ZNF280D: variants seen among roughly 807,000 people sequenced by gnomAD.
The protein encoded by ZNF280D is zinc finger protein 280D.
A neutral mutation model predicts 94.7 loss-of-function variants in ZNF280D; 39 were observed. The ratio of observed to expected loss-of-function variants is 0.41; its 90% confidence interval spans 0.32 to 0.54. The LOEUF is 0.54. ZNF280D is among the 20% of genes least tolerant of loss of function. ZNF280D has a pLI of 0.22. For synonymous variants in ZNF280D, 398 were observed against 377.6 expected (o/e 1.05, Z -0.63); for missense variants, 1,090 against 1,149.3 (o/e 0.95, Z 0.75).
At chr15:56,698,948 T>G (rs555910185) in intron 6 of ZNF280D, 28 of 152,290 alleles carry the variant, frequency 1.8e-4, no homozygotes, top group African/African-American at 6.7e-4. Flanking sequence ...ACATCTTGAA[T>G]GCAGCCTTGT....
intron 1 of ZNF280D, among the ~76,000 whole-genome samples, chr15:56,712,442 T>C (rs1313580247): frequency 2.6e-5 from 4 of 151,412 alleles, no homozygotes; most frequent in South Asian, 2.1e-4. Context: ...GCCTGGGCAA[T>C]ATGGCAAAAC....
chr15:56,699,670 AC>A, intron 6 of ZNF280D: 8 of 792,792 alleles, frequency 1.0e-5, no homozygotes, highest in Non-Finnish European at 1.1e-5. Flanking sequence ...TCATGTAACA[AC>A]AAAAAAAAAT....
At chr15:56,697,277 C>G (rs2141147914) in intron 6 of ZNF280D, among the ~76,000 whole-genome samples, 1 of 152,236 alleles carries the variant, frequency 6.6e-6, no homozygotes, top group Admixed American at 6.5e-5. Context: ...CTCCGCCTCC[C>G]AGGTTCAAGT....
Position 56,682,439 on chromosome 15 carries a change from C to G in ZNF280D, c.819G>C (p.Leu273=), listed in dbSNP as rs774059102. ...CPDMINNFLG[L]AKTEFSSTVN... is the part of the protein sequence containing the mutation. ...CTGTACTTGAAAATTCTGTTTTAGC[C>G]AGTCCCAAAAAGTTATTTATCATGT... is the stretch of plus-strand genomic sequence containing the variant. The change falls in exon 10 of 22, where the codon CTG becomes CTC. Residue 273 remains leucine (L), a synonymous_variant. Transcript: ENST00000267807. The G allele has an allele frequency of 7.7e-6, 12 of 1,552,378 alleles. No individual in the cohort carries two copies. Among genetic ancestry groups the G allele is most frequent in the Non-Finnish European group, 1.0e-5 (12 of 1,158,786 alleles).
At position 56,667,619 on chromosome 15, in the gene ZNF280D, A is replaced by G. The variant is rs564058500; in HGVS notation, c.1546-633T>C. 6.2e-4 allele frequency among the ~76,000 whole-genome samples: 95 copies of G among 152,310 alleles called. No individual in the cohort carries two copies. The South Asian group carries it at 8.9e-3, about 14-fold the overall frequency. ...CATCTGTTGGTTGACAATGAAAAAC[A>G]CAAGTGCCTACCAACATTCTGGTTA... is the stretch of plus-strand genomic sequence containing the variant. On this transcript the variant is annotated intron_variant, in intron 14 of 21. Coordinates refer to ENST00000267807, the MANE Select transcript of ZNF280D (RefSeq NM_017661.4).
chr15:56,700,822 CTACTGGATGACTACT>C, intron 6 of ZNF280D, 96 bp downstream of exon 6: 1 of 1,588,112 alleles, frequency 6.3e-7, no homozygotes. Flanking sequence ...AACTATGCTT[CTACTGGATGACTACT>C]TATGACAGTC....
rs370841893 is a variant in ZNF280D at position 56,639,846 on chromosome 15, G to A, written c.2259+3106C>T. On this transcript the variant is annotated intron_variant, in intron 20 of 21. Transcript: ENST00000267807. ...CAGCAAACAGGACATCCAATACAAG[G>A]GAGTGGCAAAGGATAATCTTGACAT... is the stretch of plus-strand genomic sequence containing the variant. Among the ~76,000 whole-genome samples, 48 of 152,156 alleles carry A rather than the reference G, an allele frequency of 3.2e-4. No homozygotes were observed. The South Asian group carries it at 8.1e-3, about 26-fold the overall frequency.
intron 20 of ZNF280D, among the ~76,000 whole-genome samples, chr15:56,636,494 T>TC (rs1447572514): frequency 2.0e-5 from 3 of 150,618 alleles, no homozygotes; most frequent in Admixed American, 6.6e-5. Context: ...TATTTTTTTT[T>TC]TTTTTTTTTG....
rs2055424514 is a variant in ZNF280D, at chr15:56,678,841, G to A, written c.1005-20C>T. The A allele has an allele frequency of 2.0e-6, 3 of 1,477,762 alleles. No homozygotes were observed. Among genetic ancestry groups the A allele is most frequent in the South Asian group, 1.5e-5 (1 of 68,614 alleles). 91.5% of individuals were successfully genotyped at this position (1,477,762 alleles called of 1,614,324 possible). The stretch of plus-strand genomic sequence containing the variant: ...ATAAACCTATAAATGGTTGTCAACA[G>A]GTGCAAAACTTGAGATTTAAAAACA... On this transcript the variant is annotated intron_variant, in intron 10 of 21. Coordinates refer to ENST00000267807, the MANE Select transcript of ZNF280D (RefSeq NM_017661.4).
At chr15:56,712,740 C>CTTTT (rs370458226) in intron 1 of ZNF280D, among the ~76,000 whole-genome samples, 6 of 133,514 alleles carry the variant, frequency 4.5e-5, no homozygotes, top group African/African-American at 5.6e-5. Context: ...TGGTGAATGG[C>CTTTT]TTTTTTTTTT....
At chr15:56,716,389 C>G (rs573735322) in intron 1 of ZNF280D, among the ~76,000 whole-genome samples, 66 of 151,142 alleles carry the variant, frequency 4.4e-4, no homozygotes, top group Non-Finnish European at 8.1e-4. Flanking sequence ...TTGGAGTTAA[C>G]TAGGCAAACA....
intron 1 of ZNF280D, among the ~76,000 whole-genome samples, chr15:56,720,704 G>A (rs2058310010): frequency 1.3e-5 from 2 of 152,140 alleles, no homozygotes; most frequent in South Asian, 4.1e-4. Context: ...CAGAATGGAT[G>A]TTGTGTTAGC....
At chr15:56,700,298 A>G in intron 6 of ZNF280D, 1 of 533,464 alleles carries the variant, frequency 1.9e-6, no homozygotes, top group Non-Finnish European at 2.4e-6. Context: ...TAAATCTTTC[A>G]ACCTCTATGA....
At chr15:56,705,869 G>C (rs1374452314) in intron 3 of ZNF280D, among the ~76,000 whole-genome samples, 1 of 151,692 alleles carries the variant, frequency 6.6e-6, no homozygotes, top group Admixed American at 6.6e-5. Flanking sequence ...ATAATCTATG[G>C]ACTAGGCGAA....
chr15:56,731,541 A>C (rs2141540412), intron 1 of ZNF280D, among the ~76,000 whole-genome samples: 1 of 150,728 alleles, frequency 6.6e-6, no homozygotes, highest in East Asian at 1.9e-4. Flanking sequence ...CTGAAAAGGA[A>C]TTTTGAAGAA....
intron 16 of ZNF280D, among the ~76,000 whole-genome samples, chr15:56,661,096 G>A (rs2053914667): frequency 6.6e-6 from 1 of 152,126 alleles, no homozygotes; most frequent in African/African-American, 2.4e-5. Flanking sequence ...GACACATACA[G>A]AGTTTGTGGT....
At chr15:56,729,099 G>A (rs553184467) in intron 1 of ZNF280D, among the ~76,000 whole-genome samples, 2 of 152,128 alleles carry the variant, frequency 1.3e-5, no homozygotes, top group South Asian at 4.2e-4. Context: ...TTCAAAAGGT[G>A]AAAAACATGA....
intron 1 of ZNF280D, among the ~76,000 whole-genome samples, chr15:56,729,317 T>C (rs1251552388): frequency 2.6e-5 from 4 of 152,202 alleles, no homozygotes; most frequent in African/African-American, 9.6e-5. Flanking sequence ...CATCAAACTC[T>C]CCTTAGTTGG....
chr15:56,699,563 G>C lies in ZNF280D; in HGVS notation c.381+1370C>G, dbSNP rs1341128681. ...CTCTTTTTTCCCTTCCTGAGATTTTGATATGTACTTGGAGAGTTTTGAGTC... is the reference window on the plus strand; with the variant it reads ...CTCTTTTTTCCCTTCCTGAGATTTTCATATGTACTTGGAGAGTTTTGAGTC... On this transcript the variant is annotated intron_variant, in intron 6 of 21. Coordinates refer to ENST00000267807, the MANE Select transcript of ZNF280D (RefSeq NM_017661.4). 3 of 821,602 alleles carry C rather than the reference G, an allele frequency of 3.7e-6. No individual in the cohort carries two copies. In the African/African-American group the frequency reaches 5.6e-5, roughly 15 times the overall value. The allele number at this position is 821,602 out of a possible 1,614,324, so 50.9% of individuals were successfully genotyped here. A position where few individuals can be genotyped will look rare whatever the true frequency, so the allele number is the denominator to read the frequency against.
Sources: gnomAD v4.1 joint callset for allele counts (sites outside exome capture counted in the v4.1 genomes callset) on GRCh38, gnomAD v4.1.1 for gene constraint, MANE v1.5 for transcripts, NCBI Gene and HGNC (gene_info 2026-07-23, HGNC 2026-07-21) for gene names.